The following CEP192 variants were observed in gnomAD, a reference collection of about 807,000 sequenced individuals.
The protein encoded by CEP192 is centrosomal protein of 192 kDa.
A neutral mutation model predicts 271.8 loss-of-function variants in CEP192; 151 were observed. The ratio of observed to expected loss-of-function variants is 0.56; its 90% confidence interval spans 0.49 to 0.64. CEP192 has a LOEUF of 0.64. CEP192 is among the 30% of genes least tolerant of loss of function. The pLI is 0.00. For missense variants in CEP192, 2,910 were observed against 3,020.5 expected (o/e 0.96, Z 0.86); for synonymous variants, 995 against 1,076.5 (o/e 0.92, Z 1.48).
chr18:13,017,200 A>G lies in CEP192; in HGVS notation c.653A>G (p.Asp218Gly). ...ATTTTATCAATAGATGATGATATTG[A>G]TGATGAAATGTTTTATGATGATCAT... ...SLEDSSDDDI[D>G]DEMFYDDHLE... Residue 218 changes from aspartate (D) to glycine (G), a missense_variant, in exon 7 of 45, where the codon GAT (aspartate) becomes GGT (glycine). Coordinates refer to ENST00000506447, the MANE Select transcript of CEP192 (RefSeq NM_032142.4). 6.5e-7 allele frequency: 1 copy of G among 1,544,994 alleles called. No homozygotes were observed. Among genetic ancestry groups the G allele is most frequent in the Non-Finnish European group, 8.7e-7 (1 of 1,145,028 alleles).
At chr18:13,087,430 G>T in intron 31 of CEP192, 101 bp from the exon 32 acceptor site, 1 of 905,198 alleles carries the variant, frequency 1.1e-6, no homozygotes, top group Non-Finnish European at 1.6e-6. Flanking sequence ...GTATGCACTT[G>T]TGTCTGTGTC....
chr18:13,120,013 A>G (rs1011658530), intron 44 of CEP192, among the ~76,000 whole-genome samples: 4 of 152,212 alleles, frequency 2.6e-5, no homozygotes, highest in African/African-American at 9.6e-5. Flanking sequence ...ATTATTGAAT[A>G]CGTTGTCATT....
intron 11 of CEP192, among the ~76,000 whole-genome samples, chr18:13,036,293 T>TTCTTTTGTCTTAGGTTGTG (rs2035913530): frequency 6.6e-6 from 1 of 152,184 alleles, no homozygotes; most frequent in South Asian, 2.1e-4. Context: ...GTGTCTGCTT[T>TTCTTTTGTCTTAGGTTGTG]TCTTTTGTCT....
intron 42 of CEP192, among the ~76,000 whole-genome samples, chr18:13,115,845 G>C (rs901724131): frequency 6.6e-6 from 1 of 152,152 alleles, no homozygotes; most frequent in Non-Finnish European, 1.5e-5. Flanking sequence ...CTGCTGGGGG[G>C]TGCCGAGCTA....
chr18:13,006,845 T>G (rs1156313115), intron 3 of CEP192, among the ~76,000 whole-genome samples: 1 of 152,202 alleles, frequency 6.6e-6, no homozygotes, highest in East Asian at 1.9e-4. Flanking sequence ...CTGCCATCGC[T>G]TCGTTCTCCA....
At chr18:13,099,408 A>G (rs987851449) in intron 36 of CEP192, 68 bp from the exon 37 acceptor site, 16 of 779,016 alleles carry the variant, frequency 2.1e-5, no homozygotes, top group Middle Eastern at 7.3e-4. Flanking sequence ...GACAGTATTT[A>G]TAACTCCTGT....
chr18:13,050,270 A>T (rs2036709917), intron 17 of CEP192, among the ~76,000 whole-genome samples: 1 of 152,252 alleles, frequency 6.6e-6, no homozygotes, highest in Admixed American at 6.5e-5. Flanking sequence ...GCTTTATAAA[A>T]GATCTTTAAT....
intron 30 of CEP192, among the ~76,000 whole-genome samples, chr18:13,082,978 G>C (rs1464228279): frequency 6.6e-6 from 1 of 152,196 alleles, no homozygotes; most frequent in Non-Finnish European, 1.5e-5. Context: ...TAGAGTTTCT[G>C]CTGAGAGATC....
intron 30 of CEP192, among the ~76,000 whole-genome samples, chr18:13,075,890 G>T (rs945875578): frequency 6.6e-6 from 1 of 152,196 alleles, no homozygotes; most frequent in Non-Finnish European, 1.5e-5. Context: ...CAGAGCCCAC[G>T]TTTATGTATT....
chr18:13,033,919 GTTAC>G (rs1194479342), intron 11 of CEP192, among the ~76,000 whole-genome samples: 1 of 152,190 alleles, frequency 6.6e-6, no homozygotes, highest in African/African-American at 2.4e-5. Context: ...GGAATGTCTA[GTTAC>G]TTGAACTCAG....
intron 9 of CEP192, among the ~76,000 whole-genome samples, chr18:13,025,065 C>A (rs76660443): frequency 0.018 from 2,794 of 152,286 alleles, 84 homozygotes; most frequent in East Asian, 0.13. Flanking sequence ...ACCCACTGCA[C>A]CCAGCCAGTT....
At chr18:13,108,592 C>T (rs932911320) in intron 40 of CEP192, among the ~76,000 whole-genome samples, 1 of 152,166 alleles carries the variant, frequency 6.6e-6, no homozygotes, top group Admixed American at 6.5e-5. Context: ...CAAATCAAAA[C>T]CGCAATGAGA....
At chr18:13,084,219 G>T (rs919096068) in intron 30 of CEP192, among the ~76,000 whole-genome samples, 5 of 152,190 alleles carry the variant, frequency 3.3e-5, no homozygotes, top group African/African-American at 1.2e-4. Context: ...GCTATGCCCT[G>T]CCCCTAGAGG....
chr18:13,114,047 AT>A, intron 41 of CEP192, 82 bp from the exon 42 acceptor site: 1 of 1,467,880 alleles, frequency 6.8e-7, no homozygotes, highest in South Asian at 1.3e-5. Context: ...TTTAAAGGAA[AT>A]GATAGAATTC....
chr18:13,112,646 C>G (rs2040257149), intron 40 of CEP192, among the ~76,000 whole-genome samples: 1 of 152,152 alleles, frequency 6.6e-6, no homozygotes. Flanking sequence ...CCCTTTCCTT[C>G]CTTCATCTTC....
rs963466219 is a variant in CEP192 at position 13,008,690 on chromosome 18, C to T, written c.466+59C>T. ...TATGTTTTAATTTCCTTTTTCATTT[C>T]CTTATCTTTGGATTTTTTTTTTTTT... On this transcript the variant is annotated intron_variant, in intron 4 of 44. Coordinates refer to ENST00000506447, the MANE Select transcript of CEP192 (RefSeq NM_032142.4). The T allele has an allele frequency of 7.5e-6, 10 of 1,329,684 alleles. No individual in the cohort carries two copies. In the African/African-American group the frequency reaches 1.2e-4, roughly 16 times the overall value. 82.4% of individuals were successfully genotyped at this position (1,329,684 alleles called of 1,614,324 possible). A position where few individuals can be genotyped will look rare whatever the true frequency, so the allele number is the denominator to read the frequency against.
intron 44 of CEP192, among the ~76,000 whole-genome samples, chr18:13,122,580 GAA>G (rs11303551): frequency 6.7e-6 from 1 of 150,328 alleles, no homozygotes; most frequent in African/African-American, 2.4e-5. Flanking sequence ...GAATCCGTCT[GAA>G]AAAAAAAAAT....
chr18:12,993,373 G>C (rs193065045), intron 1 of CEP192, among the ~76,000 whole-genome samples: 1 of 152,312 alleles, frequency 6.6e-6, no homozygotes, highest in African/African-American at 2.4e-5. Flanking sequence ...CCATGGGATT[G>C]GTTCCAGGAC....
At chr18:13,069,621 G>C in intron 26 of CEP192, 117 bp from the exon 27 acceptor site, 1 of 685,530 alleles carries the variant, frequency 1.5e-6, no homozygotes. Flanking sequence ...TGACAGACAA[G>C]AAGGGGACAA....
Sources: allele counts gnomAD v4.1 joint callset (sites outside exome capture counted in the v4.1 genomes callset), GRCh38; gene constraint gnomAD v4.1.1; transcripts MANE v1.5; gene names NCBI Gene and HGNC (gene_info 2026-07-23, HGNC 2026-07-21).